Variants in PPP6R1 observed in about 807,000 individuals in gnomAD.
PPP6R1 encodes the protein serine/threonine-protein phosphatase 6 regulatory subunit 1.
PPP6R1 carries 39 observed loss-of-function variants against 104.6 expected under a neutral mutation model. That is an observed-to-expected ratio of 0.37 (90% confidence interval 0.29 to 0.49). The LOEUF (loss-of-function observed/expected upper bound fraction) is 0.49. Ranked by LOEUF, PPP6R1 falls within the 20% of genes least tolerant of loss-of-function variation. PPP6R1 has a pLI of 0.98. For missense variants in PPP6R1, 1,181 were observed against 1,155.8 expected (o/e 1.02, Z -0.32); for synonymous variants, 549 against 479.0 (o/e 1.15, Z -1.91).
chr19:55,230,943 C>T, intron 21 of PPP6R1, 59 bp from the exon 22 acceptor site: 1 of 1,373,938 alleles, frequency 7.3e-7, no homozygotes. Context: ...CTGCTGACAC[C>T]CTCACATCCC....
rs2087333836 is a variant in PPP6R1 at position 55,230,679 on chromosome 19, T to TG, written c.2575dup (p.Gln859ProfsTer86). ...GGGTATCGGAGGAGGCGTGAGGGCC[T>TG]GGGCACTGTCAGGGGAGAGAGGGGA... On this transcript the variant is annotated frameshift_variant, in exon 23 of 24. Transcript: ENST00000412770. LOFTEE classifies it high-confidence loss of function. 6.3e-7 allele frequency: 1 copy of TG among 1,595,566 alleles called. No individual in the cohort carries two copies. Among genetic ancestry groups the TG allele is most frequent in the Non-Finnish European group, 8.5e-7 (1 of 1,171,752 alleles).
At position 55,230,612 on chromosome 19, in the gene PPP6R1, C is replaced by A. The variant is rs763393767; in HGVS notation, c.2642+1G>T. On this transcript the variant is annotated splice_donor_variant, in intron 23 of 23. Transcript: ENST00000412770. LOFTEE classifies it high-confidence loss of function. ...CAGCCCGAGGCTGCAGCCACACTCACTGGGAGCCTGGGGATGCAGGCCCTT... is the reference window on the plus strand; with the variant it reads ...CAGCCCGAGGCTGCAGCCACACTCAATGGGAGCCTGGGGATGCAGGCCCTT... The A allele has an allele frequency of 1.2e-5, 19 of 1,612,402 alleles. No individual in the cohort carries two copies. Among genetic ancestry groups the A allele is most frequent in the Non-Finnish European group, 1.6e-5 (19 of 1,179,174 alleles).
chr19:55,249,893 G>A (rs914160650), intron 1 of PPP6R1, among the ~76,000 whole-genome samples: 32 of 151,660 alleles, frequency 2.1e-4, no homozygotes, highest in Admixed American at 2.0e-4. Context: ...GCACCTGCTC[G>A]GTGATGTGCA....
At chr19:55,228,324 C>A, downstream of PPP6R1, 7 of 1,613,836 alleles carry the variant, frequency 4.3e-6, no homozygotes, top group Non-Finnish European at 5.9e-6. Flanking sequence ...AGAGGACGGG[C>A]AGGCACTTGA....
At position 55,245,101 on chromosome 19, in the gene PPP6R1, G is replaced by T; in HGVS notation, c.618+19C>A. On this transcript the variant is annotated intron_variant, in intron 5 of 23. Coordinates refer to ENST00000412770, the MANE Select transcript of PPP6R1 (RefSeq NM_014931.4). This position sits in a 1 kb window ranked among gnomAD's most constrained non-coding sequence, Gnocchi z 6.4. ...AAGGAACTCTAAGGGGAATCCGCAG[G>T]GGCATCGGCAGCACTCACATTCTCA... 1 of 1,612,384 alleles carries T rather than the reference G, an allele frequency of 6.2e-7. No homozygotes were observed. The highest frequency in any genetic ancestry group is 1.1e-5 in the South Asian group (1 of 90,606).
intron 17 of PPP6R1, chr19:55,236,353 C>G (rs531557705): frequency 2.8e-4 from 106 of 376,128 alleles, no homozygotes; most frequent in African/African-American, 2.1e-3. Context: ...CAGGATCTCC[C>G]TATGTTGCCC....
chr19:55,238,641 C>T (rs1363487961), intron 15 of PPP6R1: 2 of 152,264 alleles, frequency 1.3e-5, no homozygotes, highest in Non-Finnish European at 2.9e-5. Flanking sequence ...ACTACACGCA[C>T]CTGCCACCAC....
intron 17 of PPP6R1, among the ~76,000 whole-genome samples, chr19:55,233,472 A>G (rs2087367861): frequency 6.6e-6 from 1 of 152,214 alleles, no homozygotes; most frequent in Non-Finnish European, 1.5e-5. Flanking sequence ...AAGAAAAGGA[A>G]ATTAAAATCA....
At chr19:55,246,422 A>G (rs2122676906) in intron 2 of PPP6R1, among the ~76,000 whole-genome samples, 1 of 152,304 alleles carries the variant, frequency 6.6e-6, no homozygotes, top group African/African-American at 2.4e-5. Flanking sequence ...TCTCAAAAAA[A>G]AAAAAAAAAG....
At chr19:55,243,665 C>CAAAAAAAAAA (rs756399928) in intron 5 of PPP6R1, among the ~76,000 whole-genome samples, 3 of 151,092 alleles carry the variant, frequency 2.0e-5, no homozygotes, top group African/African-American at 4.9e-5. Context: ...GACACTGTCT[C>CAAAAAAAAAA]AAAAAAAAGA....
At chr19:55,242,003 TCCCTCGGC>T (rs1019871846) in intron 7 of PPP6R1, among the ~76,000 whole-genome samples, 155 bp downstream of exon 7, 2 of 151,858 alleles carry the variant, frequency 1.3e-5, no homozygotes, top group African/African-American at 2.4e-5. Flanking sequence ...AGAAGATTCC[TCCCTCGGC>T]CCCGTACTGT....
chr19:55,248,036 C>T (rs1013921871), intron 1 of PPP6R1, among the ~76,000 whole-genome samples: 3 of 152,356 alleles, frequency 2.0e-5, no homozygotes, highest in East Asian at 1.9e-4. Flanking sequence ...TGGGAACTCA[C>T]TGGCAATAAG....
intron 21 of PPP6R1, among the ~76,000 whole-genome samples, chr19:55,231,108 G>A (rs1342858237): frequency 1.3e-5 from 2 of 152,160 alleles, no homozygotes; most frequent in Admixed American, 6.5e-5. Context: ...TGTGGAGGAG[G>A]TACTCGAGGC....
At position 55,231,655 on chromosome 19, in the gene PPP6R1, T is replaced by C. The variant is rs2087348328; in HGVS notation, c.2320A>G (p.Thr774Ala). The change falls in exon 20 of 24, where the codon ACA (threonine) becomes GCA (alanine). Residue 774 changes from threonine to alanine, a missense_variant. Physicochemically the swap from Thr to Ala is moderately conservative, Grantham distance 58. Transcript: ENST00000412770. ...DALQLRSQDP[T>A]PPSAPQEATE... Reference sequence around the variant, plus strand: ...GCTTCCTGAGGTGCTGAGGGGGGTGTGGGGTCCTGAGACCTGGTAGGCGAG... The same window carrying C: ...GCTTCCTGAGGTGCTGAGGGGGGTGCGGGGTCCTGAGACCTGGTAGGCGAG... 6.2e-7 allele frequency: 1 copy of C among 1,608,964 alleles called. No homozygotes were observed. Among genetic ancestry groups the C allele is most frequent in the South Asian group, 1.1e-5 (1 of 90,228 alleles).
rs376910911 is a variant in PPP6R1 at position 55,241,278 on chromosome 19, C to G, written c.1122G>C (p.Thr374=). Residue 374 remains threonine (T), a synonymous_variant, in exon 9 of 24, where the codon ACG becomes ACC. Transcript: ENST00000412770. The surrounding 1 kb of genome is among the most constrained non-coding windows in gnomAD (Gnocchi z 5.4). ...GCACGTCCAGTGCCAGGAGCTCGTG[C>G]GTCAGGGCTGCATCATTGGCGCTCA... ...SALSANDAAL[T]HELLALDVPN... is the part of the protein sequence containing the mutation. 1 of 1,609,188 alleles carries G rather than the reference C, an allele frequency of 6.2e-7. No individual in the cohort carries two copies. Among genetic ancestry groups the G allele is most frequent in the Admixed American group, 1.7e-5 (1 of 59,798 alleles).
Position 55,242,420 on chromosome 19 carries a change from G to C in PPP6R1, c.687C>G (p.Val229=). 6.2e-7 allele frequency: 1 copy of C among 1,614,008 alleles called. No individual in the cohort carries two copies. The highest frequency in any genetic ancestry group is 8.5e-7 in the Non-Finnish European group (1 of 1,179,864). ...GTTGGTCAGGCTCTGGGCTGTCCTGGACTTGGATCATCTGCTCCCGGCTCA... is the reference window on the plus strand; with the variant it reads ...GTTGGTCAGGCTCTGGGCTGTCCTGCACTTGGATCATCTGCTCCCGGCTCA... ...IRLSREQMIQ[V]QDSPEPDQLL... is the part of the protein sequence containing the mutation. The change falls in exon 6 of 24, where the codon GTC becomes GTG. Residue 229 remains valine, a synonymous_variant. Transcript: ENST00000412770.
At chr19:55,256,142 A>G (rs1210678434) in intron 1 of PPP6R1, among the ~76,000 whole-genome samples, 1 of 152,260 alleles carries the variant, frequency 6.6e-6, no homozygotes, top group Non-Finnish European at 1.5e-5. Context: ...AAGAAACAGT[A>G]GATGAACCAA....
chr19:55,248,726 A>C (rs763413220), intron 1 of PPP6R1, among the ~76,000 whole-genome samples: 3 of 152,258 alleles, frequency 2.0e-5, no homozygotes, highest in Non-Finnish European at 4.4e-5. Context: ...GGGAAGAGAC[A>C]GGGAGACGTG....
intron 1 of PPP6R1, chr19:55,255,548 C>T (rs1211863751): frequency 1.3e-5 from 2 of 152,240 alleles, no homozygotes; most frequent in Non-Finnish European, 2.9e-5. Flanking sequence ...ACCCACAAAA[C>T]TGGTGTGCAA....
Sources: allele counts gnomAD v4.1 joint callset (sites outside exome capture counted in the v4.1 genomes callset), GRCh38; gene constraint gnomAD v4.1.1; non-coding constraint Gnocchi (gnomAD v3.1); transcripts MANE v1.5; gene names NCBI Gene and HGNC (gene_info 2026-07-23, HGNC 2026-07-21).